Variants in RPH3A observed in about 807,000 individuals in gnomAD.
RPH3A encodes rabphilin 3A.
RPH3A carries 48 observed loss-of-function variants against 102.2 expected under a neutral mutation model. The ratio of observed to expected loss-of-function variants is 0.47; its 90% CI spans 0.37 to 0.60. RPH3A has a LOEUF of 0.60. Among genes scored for constraint, RPH3A ranks in the 20% least tolerant of loss-of-function variants. The pLI, the probability that RPH3A is intolerant of heterozygous loss-of-function variation, is 0.00. For synonymous variants in RPH3A, 310 were observed against 324.3 expected, an observed-to-expected ratio of 0.96 and a Z score of 0.47; for missense variants, 781 against 910.1, an observed-to-expected ratio of 0.86 and a Z score of 1.83.
At chr12:112,671,631 A>G (rs538293615) in intron 1 of RPH3A, among the ~76,000 whole-genome samples, 26 of 152,170 alleles carry the variant, frequency 1.7e-4, no homozygotes, top group Non-Finnish European at 2.9e-4. Flanking sequence ...ATATTGAGGG[A>G]CAAGGCCTAT....
chr12:112,789,575 C>T (rs943683984), upstream of RPH3A, among the ~76,000 whole-genome samples: 2 of 152,100 alleles, frequency 1.3e-5, no homozygotes, highest in African/African-American at 4.8e-5. Flanking sequence ...GGGAATAATA[C>T]TAGTGTCCTG....
chr12:112,713,221 C>T (rs1366419984), intron 1 of RPH3A, among the ~76,000 whole-genome samples: 2 of 151,570 alleles, frequency 1.3e-5, no homozygotes, highest in African/African-American at 4.8e-5. Flanking sequence ...CATAAGCCAC[C>T]ATGCCTGACA....
chr12:112,712,994 TCTTCCTCTTCC>T, intron 1 of RPH3A, among the ~76,000 whole-genome samples: 1 of 76,158 alleles, frequency 1.3e-5, no homozygotes, highest in Non-Finnish European at 2.5e-5. Context: ...GTCGTCTTTG[TCTTCCTCTTCC>T]TCTTCCTCTT....
intron 1 of RPH3A, among the ~76,000 whole-genome samples, chr12:112,767,748 G>T (rs74806366): frequency 1.8e-4 from 27 of 152,144 alleles, no homozygotes; most frequent in Non-Finnish European, 3.1e-4. Flanking sequence ...GACTTTGGTG[G>T]GAATTTAAGA....
intron 1 of RPH3A, among the ~76,000 whole-genome samples, chr12:112,607,028 G>A (rs1453807920): frequency 1.3e-5 from 2 of 152,136 alleles, no homozygotes; most frequent in Non-Finnish European, 2.9e-5. Context: ...GACCTTTAAG[G>A]GGGGGATCAG....
At chr12:112,654,187 G>C (rs143958447) in intron 1 of RPH3A, among the ~76,000 whole-genome samples, 7 of 152,098 alleles carry the variant, frequency 4.6e-5, no homozygotes, top group Non-Finnish European at 1.0e-4. Context: ...GGGTTTGCTT[G>C]GTTTGTTTCC....
At chr12:112,832,844 G>A (rs553630443) in intron 3 of RPH3A, among the ~76,000 whole-genome samples, 1 of 151,840 alleles carries the variant, frequency 6.6e-6, no homozygotes, top group South Asian at 2.1e-4. Context: ...CCCTTTCTCT[G>A]AAATGAATAA....
rs2135970435 is a variant in RPH3A at position 112,604,446 on chromosome 12, G to A, written c.-140+29127G>A. 1.3e-5 allele frequency among the ~76,000 whole-genome samples: 2 copies of A among 152,268 alleles called. 1 individual carries two copies. Among genetic ancestry groups the A allele is most frequent in the South Asian group, 4.2e-4 (2 of 4,818 alleles). ...AGGGAGGGAAACTAGCATATATTCAGCAACTACAACATGCCAGGCATTTGC... is the reference window on the plus strand; with the variant it reads ...AGGGAGGGAAACTAGCATATATTCAACAACTACAACATGCCAGGCATTTGC... On this transcript the variant is annotated intron_variant, in intron 1 of 21. Coordinates refer to the RPH3A transcript ENST00000543106.
At chr12:112,629,221 C>A (rs1220327803) in intron 1 of RPH3A, among the ~76,000 whole-genome samples, 1 of 152,052 alleles carries the variant, frequency 6.6e-6, no homozygotes, top group African/African-American at 2.4e-5. Context: ...CGGGAGGCCC[C>A]AGGCTCACAG....
intron 1 of RPH3A, among the ~76,000 whole-genome samples, chr12:112,676,250 A>T (rs1021513837): frequency 6.6e-6 from 1 of 151,932 alleles, no homozygotes. Context: ...CAGGGGTCCC[A>T]GGCTGGGACA....
intron 5 of RPH3A, among the ~76,000 whole-genome samples, chr12:112,859,284 G>GT (rs1441033229): frequency 6.6e-6 from 1 of 152,190 alleles, no homozygotes; most frequent in South Asian, 2.1e-4. Flanking sequence ...ATTAGAAGAG[G>GT]TTTTTTCAAG....
At chr12:112,816,452 G>T (rs1263844402) in intron 2 of RPH3A, among the ~76,000 whole-genome samples, 2 of 152,202 alleles carry the variant, frequency 1.3e-5, no homozygotes, top group African/African-American at 4.8e-5. Flanking sequence ...TGTCTTCAGA[G>T]CTGGGACCCA....
intron 1 of RPH3A, among the ~76,000 whole-genome samples, chr12:112,658,037 T>C (rs1471886610): frequency 6.6e-6 from 1 of 152,090 alleles, no homozygotes; most frequent in Non-Finnish European, 1.5e-5. Context: ...GAGATGAGGT[T>C]GGTGAGATCA....
intron 1 of RPH3A, among the ~76,000 whole-genome samples, chr12:112,712,954 CTT>C (rs1758586611): frequency 1.9e-5 from 2 of 105,748 alleles, no homozygotes; most frequent in South Asian, 3.6e-4. Flanking sequence ...TCTTCTTCTT[CTT>C]CTTCTTCTTT....
At chr12:112,692,756 A>G (rs1377000425) in intron 1 of RPH3A, among the ~76,000 whole-genome samples, 1 of 152,210 alleles carries the variant, frequency 6.6e-6, no homozygotes, top group African/African-American at 2.4e-5. Context: ...TTTTAGCTAC[A>G]TCCTCTTTGC....
At chr12:112,880,822 T>C (rs1442063655) in intron 14 of RPH3A, among the ~76,000 whole-genome samples, 1 of 152,188 alleles carries the variant, frequency 6.6e-6, no homozygotes, top group African/African-American at 2.4e-5. Context: ...ATTCTTACAA[T>C]AAAGTAAGCT....
chr12:112,798,614 T>C (rs895155278), intron 2 of RPH3A, among the ~76,000 whole-genome samples: 6 of 152,292 alleles, frequency 3.9e-5, no homozygotes, highest in African/African-American at 1.2e-4. Flanking sequence ...CCAAATGGCA[T>C]CTGTGTGGTC....
At chr12:112,643,662 G>A (rs928816867) in intron 1 of RPH3A, among the ~76,000 whole-genome samples, 1 of 152,234 alleles carries the variant, frequency 6.6e-6, no homozygotes, top group Non-Finnish European at 1.5e-5. Context: ...AGCACACTCT[G>A]TGATAAGAAT....
chr12:112,743,921 C>G (rs559301436), intron 1 of RPH3A, among the ~76,000 whole-genome samples: 2 of 152,184 alleles, frequency 1.3e-5, no homozygotes, highest in Admixed American at 6.5e-5. Flanking sequence ...TGTACACACA[C>G]GCTTTCACCC....
Sources: allele counts gnomAD v4.1 joint callset (sites outside exome capture counted in the v4.1 genomes callset), GRCh38; gene constraint gnomAD v4.1.1; transcripts MANE v1.5; gene names NCBI Gene and HGNC (gene_info 2026-07-23, HGNC 2026-07-21).